The following PITPNM3 variants were observed in gnomAD, a reference collection of about 807,000 sequenced individuals.
PITPNM3 encodes the protein membrane-associated phosphatidylinositol transfer protein 3.
Under a neutral mutation model 102.0 loss-of-function variants are expected in PITPNM3, and 26 were observed. The observed-to-expected ratio is 0.25, with a 90% CI of 0.19 to 0.35. The LOEUF (loss-of-function observed/expected upper bound fraction) is 0.35, where lower values mean the gene tolerates loss of function less well. Ranked by LOEUF, PITPNM3 falls within the 10% of genes least tolerant of loss-of-function variation. PITPNM3 has a pLI of 1.00. For missense variants in PITPNM3, 1,083 were observed against 1,346.1 expected (o/e 0.80, Z 3.06); for synonymous variants, 578 against 558.6 (o/e 1.03, Z -0.49).
intron 4 of PITPNM3, among the ~76,000 whole-genome samples, chr17:6,502,889 G>A (rs1203249785): frequency 6.6e-6 from 1 of 152,086 alleles, no homozygotes; most frequent in African/African-American, 2.4e-5. Context: ...TCTTTCCCAG[G>A]TCCAATGCTG....
intron 1 of PITPNM3, among the ~76,000 whole-genome samples, chr17:6,544,721 C>G (rs1909927784): frequency 6.6e-6 from 1 of 151,362 alleles, no homozygotes; most frequent in South Asian, 2.1e-4. Flanking sequence ...GTTCTACAAG[C>G]ACAAGCATCA....
At chr17:6,550,634 T>A (rs1910253825) in intron 1 of PITPNM3, among the ~76,000 whole-genome samples, 1 of 152,196 alleles carries the variant, frequency 6.6e-6, no homozygotes, top group Non-Finnish European at 1.5e-5. Context: ...CCAGGCCACC[T>A]CCAGCCATGA....
chr17:6,462,905 C>T (rs893244461), intron 17 of PITPNM3, among the ~76,000 whole-genome samples: 2 of 152,052 alleles, frequency 1.3e-5, no homozygotes, highest in Admixed American at 1.3e-4. Flanking sequence ...GGGGAGCACC[C>T]TGGAGCCCAT....
rs781006960 is a variant in PITPNM3, at chr17:6,474,448, C to G, written c.1242G>C (p.Val414=). 1 of 1,613,462 alleles carries G rather than the reference C, an allele frequency of 6.2e-7. No homozygotes were observed. The highest frequency in any genetic ancestry group is 8.5e-7 in the Non-Finnish European group (1 of 1,179,956). ...CATCCCTACCGTCCAGCCCAGGCAG[C>G]ACCGTCCTCCGCATGGCCAGGACCA... is the stretch of plus-strand genomic sequence containing the variant. ...LGLVLAMRRT[V]LPGLDGFQVR... The change falls in exon 10 of 20, where the codon GTG becomes GTC. Residue 414 remains valine (V), a synonymous_variant. Coordinates refer to ENST00000262483, the MANE Select transcript of PITPNM3 (RefSeq NM_031220.4).
Position 6,478,148 on chromosome 17 carries a change from C to T in PITPNM3, c.778-51G>A, listed in dbSNP as rs1405826822. On this transcript the variant is annotated intron_variant, in intron 7 of 19. Transcript: ENST00000262483. This position sits in a 1 kb window ranked among gnomAD's most constrained non-coding sequence, Gnocchi z 4.4. ...AGGCCTGCCCACTGCTGACCCCTCA[C>T]CCCCACACCCGGCCAGAGCAGTGCT... 1.2e-6 allele frequency: 2 copies of T among 1,608,854 alleles called. No individual in the cohort carries two copies. Among genetic ancestry groups the T allele is most frequent in the Non-Finnish European group, 1.7e-6 (2 of 1,179,804 alleles).
intron 2 of PITPNM3, among the ~76,000 whole-genome samples, chr17:6,529,812 GC>G (rs970097051): frequency 6.6e-6 from 1 of 152,094 alleles, no homozygotes; most frequent in Non-Finnish European, 1.5e-5. Flanking sequence ...TGCCCCCATG[GC>G]CCCCCTATAG....
chr17:6,552,807 C>T (rs1349770534), intron 1 of PITPNM3, among the ~76,000 whole-genome samples: 2 of 140,646 alleles, frequency 1.4e-5, no homozygotes, highest in Non-Finnish European at 3.1e-5. Flanking sequence ...CGCTCTGTAG[C>T]CCAGGCTGGA....
chr17:6,545,994 T>G (rs1048855796), intron 1 of PITPNM3, among the ~76,000 whole-genome samples: 5 of 152,246 alleles, frequency 3.3e-5, no homozygotes, highest in East Asian at 1.9e-4. Flanking sequence ...CAGGGGAGCA[T>G]CCCCGAGGGA....
At chr17:6,484,377 T>G in intron 4 of PITPNM3, 85 bp from the exon 5 acceptor site, 1 of 1,379,182 alleles carries the variant, frequency 7.3e-7, no homozygotes, top group Non-Finnish European at 1.0e-6. Flanking sequence ...GCCCTAAAGG[T>G]GAGACCTTGG....
At chr17:6,525,198 C>A (rs967110788) in intron 3 of PITPNM3, among the ~76,000 whole-genome samples, 158 bp downstream of exon 3, 1 of 152,188 alleles carries the variant, frequency 6.6e-6, no homozygotes, top group African/African-American at 2.4e-5. Flanking sequence ...CATGAGAGTT[C>A]CTGTAAGTGG....
At chr17:6,551,174 G>A (rs1014303645) in intron 1 of PITPNM3, among the ~76,000 whole-genome samples, 71 of 151,984 alleles carry the variant, frequency 4.7e-4, no homozygotes, top group African/African-American at 1.6e-3. Flanking sequence ...TGGCTAACAC[G>A]GTGAAACCCC....
At chr17:6,551,002 G>A (rs1302440573) in intron 1 of PITPNM3, among the ~76,000 whole-genome samples, 2 of 152,218 alleles carry the variant, frequency 1.3e-5, no homozygotes, top group Non-Finnish European at 2.9e-5. Flanking sequence ...CGGCGTATTT[G>A]CATAGGAACG....
rs1215861877 is a variant in PITPNM3 at position 6,537,990 on chromosome 17, T to C, written c.115A>G (p.Arg39Gly). 6 of 1,612,374 alleles carry C rather than the reference T, an allele frequency of 3.7e-6. No individual in the cohort carries two copies. The highest frequency in any genetic ancestry group is 5.1e-6 in the Non-Finnish European group (6 of 1,178,626). Residue 39 changes from arginine to glycine, a missense_variant, in exon 2 of 20, where the codon AGA (arginine) becomes GGA (glycine). Arg to Gly is a moderately radical substitution (Grantham distance 125). This residue lies in a region of PITPNM3 where 290 missense variants were observed against 337.8 expected (regional missense o/e 0.86). Transcript: ENST00000262483. The surrounding 1 kb of genome is among the most constrained non-coding windows in gnomAD (Gnocchi z 4.4). Reference sequence around the variant, plus strand: ...TATGAGACTGGGGTTCACTCACCTCTGGCATCAAAGAATTCATCATCTGAG... The same window carrying C: ...TATGAGACTGGGGTTCACTCACCTCCGGCATCAAAGAATTCATCATCTGAG... The part of the protein sequence containing the change: ...ESSDDEFFDA[R>G]EEMAEGKNAI...
chr17:6,502,951 A>T, intron 4 of PITPNM3, among the ~76,000 whole-genome samples: 1 of 152,204 alleles, frequency 6.6e-6, no homozygotes, highest in East Asian at 1.9e-4. Context: ...AGACGCCTGT[A>T]TAACACAGAG....
rs757584814 is a variant in PITPNM3 at position 6,459,854 on chromosome 17, C to T, written c.2490+1519G>A. 2.6e-5 allele frequency among the ~76,000 whole-genome samples: 4 copies of T among 152,102 alleles called. No individual in the cohort carries two copies. The highest frequency in any genetic ancestry group is 4.4e-5 in the Non-Finnish European group (3 of 68,020). On this transcript the variant is annotated intron_variant, in intron 18 of 19. Transcript: ENST00000262483. This position sits in a 1 kb window ranked among gnomAD's most constrained non-coding sequence, Gnocchi z 5.0. Reference sequence around the variant, plus strand: ...CATCCCTGAGCCCCGACTATTCCACCTCCTAATCCTGTCCATGTTTTTCTC... The same window carrying T: ...CATCCCTGAGCCCCGACTATTCCACTTCCTAATCCTGTCCATGTTTTTCTC...
At position 6,525,345 on chromosome 17, in the gene PITPNM3, C is replaced by T. The variant is rs777458821; in HGVS notation, c.226+11G>A. ...GTGCACATCCTGGTCATGAGAGAAG[C>T]AGAGTCTCACCTTGATGCTCGTCCA... On this transcript the variant is annotated intron_variant, in intron 3 of 19. Coordinates refer to ENST00000262483, the MANE Select transcript of PITPNM3 (RefSeq NM_031220.4). 3.4e-5 allele frequency: 55 copies of T among 1,612,476 alleles called. No homozygotes were observed. Among genetic ancestry groups the T allele is most frequent in the Non-Finnish European group, 4.6e-5 (54 of 1,178,576 alleles).
intron 2 of PITPNM3, among the ~76,000 whole-genome samples, chr17:6,528,514 ATT>A (rs1220754169): frequency 1.3e-5 from 2 of 149,456 alleles, no homozygotes; most frequent in Non-Finnish European, 1.5e-5. Flanking sequence ...GCATACATGC[ATT>A]GTGTGCATGT....
chr17:6,506,949 T>A (rs1341238107), intron 3 of PITPNM3, among the ~76,000 whole-genome samples: 1 of 152,200 alleles, frequency 6.6e-6, no homozygotes, highest in African/African-American at 2.4e-5. Flanking sequence ...ACGCACTAGT[T>A]GAGTGAGAGG....
Position 6,556,343 on chromosome 17 carries a change from T to C in PITPNM3, c.22+42A>G. ...CCCCTCCTCTAGACGCGCGAGTCCC[T>C]CCCCCGGGCCCCGGCCCTGCCCTCC... On this transcript the variant is annotated intron_variant, in intron 1 of 19. Transcript: ENST00000262483. This position sits in a 1 kb window ranked among gnomAD's most constrained non-coding sequence, Gnocchi z 5.2. 3 of 1,387,778 alleles carry C rather than the reference T, an allele frequency of 2.2e-6. No individual in the cohort carries two copies. Among genetic ancestry groups the C allele is most frequent in the Non-Finnish European group, 2.8e-6 (3 of 1,064,128 alleles). 86.0% of individuals were successfully genotyped at this position (1,387,778 alleles called of 1,614,324 possible).
Sources: allele counts gnomAD v4.1 joint callset (sites outside exome capture counted in the v4.1 genomes callset), GRCh38; gene constraint gnomAD v4.1.1; regional missense constraint gnomAD v4.1.1; non-coding constraint Gnocchi (gnomAD v3.1); transcripts MANE v1.5; gene names NCBI Gene and HGNC (gene_info 2026-07-23, HGNC 2026-07-21).